Variants in SOX6 observed in about 807,000 individuals in gnomAD.
SOX6 encodes the protein SRY-box transcription factor 6.
SOX6 carries 11 observed loss-of-function variants against 97.8 expected under a neutral mutation model. The observed-to-expected ratio is 0.11, with a 90% confidence interval of 0.07 to 0.19. SOX6 has a LOEUF of 0.19. SOX6 is among the 10% of genes least tolerant of loss of function. The probability of loss-of-function intolerance (pLI) is 1.00; values close to 1 mark genes in which losing one functional copy is unlikely to be tolerated. For missense variants in SOX6, 810 were observed against 1,039.5 expected (o/e 0.78, Z 3.04); for synonymous variants, 360 against 371.4 (o/e 0.97, Z 0.35).
At chr11:16,173,425 G>A (rs983740515) in intron 6 of SOX6, among the ~76,000 whole-genome samples, 1 of 151,772 alleles carries the variant, frequency 6.6e-6, no homozygotes, top group African/African-American at 2.4e-5. Flanking sequence ...TATCAATGCA[G>A]TATCTTTCCT....
In SOX6 at chr11:16,687,910, T is replaced by C. The variant is rs148410114; in HGVS notation, n.429+26920A>G. ...AATGTGAAGTCAATTATTATTTTTA[T>C]CTTTGTTTCTCTATAAATAATGTCT... On this transcript the variant is annotated intron_variant and non_coding_transcript_variant, in intron 3 of 5. Transcript: ENST00000524520. Among the ~76,000 whole-genome samples, 30 of 152,282 alleles carry C rather than the reference T, an allele frequency of 2.0e-4. No homozygotes were observed. The East Asian group carries it at 5.0e-3, about 25-fold the overall frequency.
intron 2 of SOX6, among the ~76,000 whole-genome samples, chr11:16,730,503 A>C (rs536247277): frequency 2.0e-5 from 3 of 152,294 alleles, no homozygotes; most frequent in African/African-American, 7.2e-5. Context: ...CTACTGGGTA[A>C]ATAACGAAAT....
chr11:15,984,299 A>G (rs1321311360), intron 15 of SOX6, among the ~76,000 whole-genome samples: 1 of 152,174 alleles, frequency 6.6e-6, no homozygotes, highest in Non-Finnish European at 1.5e-5. Flanking sequence ...GTATTACTGC[A>G]ACTCATATTT....
chr11:16,679,422 C>A (rs1847909366), intron 3 of SOX6, among the ~76,000 whole-genome samples: 1 of 152,168 alleles, frequency 6.6e-6, no homozygotes. Context: ...ATAGCATCAA[C>A]ATCAATAAAA....
intron 4 of SOX6, among the ~76,000 whole-genome samples, chr11:16,492,263 G>A (rs1186422505): frequency 6.6e-6 from 1 of 152,204 alleles, no homozygotes; most frequent in Non-Finnish European, 1.5e-5. Flanking sequence ...CATTGGTGCT[G>A]CTACTTAGGA....
At chr11:16,041,022 T>C (rs1855647873) in intron 12 of SOX6, among the ~76,000 whole-genome samples, 1 of 152,130 alleles carries the variant, frequency 6.6e-6, no homozygotes, top group South Asian at 2.1e-4. Context: ...AAATCTCTAA[T>C]GTGCCCTGCA....
rs142516033 is a variant in SOX6, at chr11:16,585,525, G to A, written n.609+26556C>T. Among the ~76,000 whole-genome samples, 293 of 152,132 alleles carry A rather than the reference G, an allele frequency of 1.9e-3. 2 individuals carry two copies. The highest frequency in any genetic ancestry group is 3.6e-3 in the Non-Finnish European group (245 of 67,998). The stretch of plus-strand genomic sequence containing the variant: ...TTCATTTCATCCCAAGCTAACTCTC[G>A]AGCACTGTACAGGTTAGAGAAATAA... On this transcript the variant is annotated intron_variant and non_coding_transcript_variant, in intron 4 of 5. Transcript: ENST00000524520.
intron 4 of SOX6, among the ~76,000 whole-genome samples, chr11:16,223,296 G>C (rs531658552): frequency 2.6e-5 from 4 of 152,124 alleles, no homozygotes; most frequent in African/African-American, 9.6e-5. Flanking sequence ...GTCCTCGGAG[G>C]CATTTTCATT....
At chr11:16,244,022 TC>T (rs1349287939) in intron 3 of SOX6, among the ~76,000 whole-genome samples, 1 of 151,936 alleles carries the variant, frequency 6.6e-6, no homozygotes, top group Non-Finnish European at 1.5e-5. Flanking sequence ...TATCTATTTT[TC>T]CCCCTTAAAA....
chr11:16,225,718 T>C (rs1286394486), intron 4 of SOX6, among the ~76,000 whole-genome samples: 3 of 152,164 alleles, frequency 2.0e-5, no homozygotes, highest in Non-Finnish European at 4.4e-5. Context: ...ACCTACACTA[T>C]TTGATCTTCA....
chr11:16,170,494 T>A (rs925290781), intron 6 of SOX6, among the ~76,000 whole-genome samples: 3 of 152,034 alleles, frequency 2.0e-5, no homozygotes, highest in African/African-American at 4.8e-5. Context: ...TTGCCAGATA[T>A]CTTTCCCACA....
chr11:16,336,697 T>G (rs1856470292), intron 2 of SOX6, among the ~76,000 whole-genome samples: 1 of 152,136 alleles, frequency 6.6e-6, no homozygotes, highest in South Asian at 2.1e-4. Flanking sequence ...GAAAGAAAGT[T>G]TAAACACTTC....
Position 16,048,693 on chromosome 11 carries a change from A to G in SOX6, c.1435+1062T>C, listed in dbSNP as rs375740845. ...CTGTTAATGGCTATTCTTATACATT[A>G]TTTTATCTATTGAAATAAGCATTTT... On this transcript the variant is annotated intron_variant, in intron 11 of 15. Transcript: ENST00000683767. Among the ~76,000 whole-genome samples, 3 of 152,142 alleles carry G rather than the reference A, an allele frequency of 2.0e-5. No homozygotes were observed. In the East Asian group the frequency reaches 5.8e-4, roughly 29 times the overall value.
chr11:16,083,818 G>A (rs1056118714), intron 9 of SOX6, among the ~76,000 whole-genome samples: 3 of 151,986 alleles, frequency 2.0e-5, no homozygotes, highest in Non-Finnish European at 2.9e-5. Flanking sequence ...CTTCCCTATG[G>A]GGGTATTTTT....
chr11:16,039,240 T>C (rs1855594633), intron 12 of SOX6, among the ~76,000 whole-genome samples: 1 of 152,102 alleles, frequency 6.6e-6, no homozygotes, highest in Non-Finnish European at 1.5e-5. Flanking sequence ...CCACCCAAAA[T>C]TCTTTTTACA....
At chr11:16,463,897 G>A (rs956540874) in intron 1 of SOX6, among the ~76,000 whole-genome samples, 1 of 152,054 alleles carries the variant, frequency 6.6e-6, no homozygotes, top group Non-Finnish European at 1.5e-5. Flanking sequence ...GGTTCAGTTG[G>A]ATATTTATCC....
chr11:16,479,604 A>C (rs1018036108), upstream of SOX6, among the ~76,000 whole-genome samples: 1 of 152,074 alleles, frequency 6.6e-6, no homozygotes, highest in Non-Finnish European at 1.5e-5. Context: ...CCAATAATAT[A>C]AAAATGTATA....
intron 9 of SOX6, among the ~76,000 whole-genome samples, chr11:16,094,374 G>C (rs1343810522): frequency 6.6e-6 from 1 of 151,788 alleles, no homozygotes; most frequent in Admixed American, 6.6e-5. Context: ...AAGAGACTGG[G>C]TAGAAACCTG....
At chr11:16,110,111 G>A (rs1458000447) in intron 7 of SOX6, among the ~76,000 whole-genome samples, 3 of 151,960 alleles carry the variant, frequency 2.0e-5, no homozygotes, top group Non-Finnish European at 2.9e-5. Flanking sequence ...GAAAAGTGGC[G>A]GTATTGTTTC....
Sources: gnomAD v4.1 joint callset for allele counts (sites outside exome capture counted in the v4.1 genomes callset) on GRCh38, gnomAD v4.1.1 for gene constraint, MANE v1.5 for transcripts, NCBI Gene and HGNC (gene_info 2026-07-23, HGNC 2026-07-21) for gene names.